NEDD4L: variants seen among roughly 807,000 people sequenced by gnomAD.
The protein encoded by NEDD4L is E3 ubiquitin-protein ligase NEDD4-like.
Under a neutral mutation model 148.9 loss-of-function variants are expected in NEDD4L, and 54 were observed. That is an observed-to-expected ratio of 0.36 (90% confidence interval 0.29 to 0.45). The LOEUF is 0.45. NEDD4L is among the 20% of genes least tolerant of loss of function. NEDD4L has a pLI of 1.00. For synonymous variants in NEDD4L, 433 were observed against 440.7 expected (o/e 0.98, Z 0.22); for missense variants, 856 against 1,233.8 (o/e 0.69, Z 4.59).
chr18:58,320,042 C>T (rs1415538252), intron 6 of NEDD4L, among the ~76,000 whole-genome samples: 2 of 152,194 alleles, frequency 1.3e-5, no homozygotes, highest in Non-Finnish European at 2.9e-5. Context: ...AGGATGCAAA[C>T]CTAGGAGATC....
rs1422546421 is a variant in NEDD4L at position 58,351,315 on chromosome 18, G to T, written c.1708+270G>T. On this transcript the variant is annotated intron_variant, in intron 18 of 30. Coordinates refer to ENST00000400345, the MANE Select transcript of NEDD4L (RefSeq NM_001144967.3). ...TTGTTGAATTTTTAAACCACATTTT[G>T]ATTGTTGATCCCTTGACTTTTGCAC... 1.3e-5 allele frequency: 3 copies of T among 239,178 alleles called. No homozygotes were observed. In the East Asian group the frequency reaches 5.4e-4, roughly 43 times the overall value. The allele number at this position is 239,178 out of a possible 1,614,324, so 14.8% of individuals were successfully genotyped here.
intron 1 of NEDD4L, among the ~76,000 whole-genome samples, chr18:58,143,733 G>A (rs2033802312): frequency 1.3e-5 from 2 of 152,204 alleles, no homozygotes; most frequent in Admixed American, 1.3e-4. Context: ...CCTTCCTGCG[G>A]GTGGTCCCTG....
At chr18:58,248,093 G>T (rs2288772) in intron 3 of NEDD4L, among the ~76,000 whole-genome samples, 5 of 151,950 alleles carry the variant, frequency 3.3e-5, no homozygotes, top group Admixed American at 6.6e-5. Context: ...TGAAGTGATG[G>T]TTTTTTTTTA....
chr18:58,267,876 C>T (rs2050442627), intron 5 of NEDD4L, among the ~76,000 whole-genome samples: 1 of 152,032 alleles, frequency 6.6e-6, no homozygotes, highest in South Asian at 2.1e-4. Flanking sequence ...CTCATTTATC[C>T]TGCAAGCTTC....
chr18:58,171,376 C>T lies in NEDD4L; in HGVS notation c.122+5515C>T, dbSNP rs554716566. ...CTGCTGCCCGCCTCATCACCCCAGCCCAAGGGGACAGGACACTGCTGCCCG... is the reference window on the plus strand; with the variant it reads ...CTGCTGCCCGCCTCATCACCCCAGCTCAAGGGGACAGGACACTGCTGCCCG... On this transcript the variant is annotated intron_variant, in intron 2 of 30. Transcript: ENST00000400345. Among the ~76,000 whole-genome samples, 90 of 75,582 alleles carry T rather than the reference C, an allele frequency of 1.2e-3. 6 individuals are homozygous for T. The highest frequency in any genetic ancestry group is 3.4e-3 in the South Asian group (7 of 2,040). 49.6% of individuals were successfully genotyped at this position (75,582 alleles called of 152,430 possible).
At chr18:58,110,208 G>T (rs1054001302) in intron 1 of NEDD4L, among the ~76,000 whole-genome samples, 8 of 152,200 alleles carry the variant, frequency 5.3e-5, no homozygotes, top group African/African-American at 1.9e-4. Flanking sequence ...GAGGGCATGG[G>T]CAGGTTGAGT....
At chr18:58,280,051 T>A (rs1009674223) in intron 5 of NEDD4L, among the ~76,000 whole-genome samples, 2 of 152,124 alleles carry the variant, frequency 1.3e-5, no homozygotes, top group Non-Finnish European at 1.5e-5. Flanking sequence ...AGGTGCTGTG[T>A]GTATTTTTTT....
chr18:58,325,213 G>T (rs2059206542), intron 9 of NEDD4L, 51 bp downstream of exon 9: 3 of 1,594,666 alleles, frequency 1.9e-6, no homozygotes, highest in East Asian at 2.2e-5. Flanking sequence ...TGCACAGCTA[G>T]GGACAAATAT....
At chr18:58,292,825 C>T (rs2054962560) in intron 5 of NEDD4L, among the ~76,000 whole-genome samples, 1 of 152,146 alleles carries the variant, frequency 6.6e-6, no homozygotes, top group African/African-American at 2.4e-5. Flanking sequence ...TCTGTGGATG[C>T]TTGGATTACA....
At chr18:58,090,054 G>C (rs1451778674) in intron 1 of NEDD4L, among the ~76,000 whole-genome samples, 1 of 152,070 alleles carries the variant, frequency 6.6e-6, no homozygotes, top group Non-Finnish European at 1.5e-5. Context: ...TGGTCAGGCT[G>C]GTCTCGAACT....
At chr18:58,377,380 G>A (rs910595346) in intron 24 of NEDD4L, among the ~76,000 whole-genome samples, 5 of 152,104 alleles carry the variant, frequency 3.3e-5, no homozygotes, top group African/African-American at 1.2e-4. Context: ...AGCCTTCCAC[G>A]GTGTTTCAAC....
chr18:58,367,982 A>G, intron 22 of NEDD4L, 115 bp downstream of exon 22: 2 of 1,158,804 alleles, frequency 1.7e-6, no homozygotes, highest in Non-Finnish European at 2.4e-6. Flanking sequence ...CTCATAAAGT[A>G]TTTTTATGTT....
rs2044815944 is a variant in NEDD4L at position 58,357,349 on chromosome 18, A to G, written c.1767+97A>G. 7.5e-6 allele frequency: 8 copies of G among 1,069,836 alleles called. No homozygotes were observed. The South Asian group carries it at 7.5e-5, about 10-fold the overall frequency. The allele number at this position is 1,069,836 out of a possible 1,614,324, so 66.3% of individuals were successfully genotyped here. The stretch of plus-strand genomic sequence containing the variant: ...CTGATAACGGTGATGTCAAGGGACA[A>G]CGGTGATTGAGTAGTTGACTAGAAA... On this transcript the variant is annotated intron_variant, in intron 19 of 30. Transcript: ENST00000400345.
At chr18:58,317,515 A>G (rs934937126) in intron 6 of NEDD4L, among the ~76,000 whole-genome samples, 1 of 152,224 alleles carries the variant, frequency 6.6e-6, no homozygotes, top group Non-Finnish European at 1.5e-5. Context: ...TGAGAGGCAA[A>G]TATTCTAATA....
intron 5 of NEDD4L, among the ~76,000 whole-genome samples, chr18:58,286,209 A>C (rs8092552): frequency 0.18 from 26,684 of 152,162 alleles, 2,519 homozygotes; most frequent in East Asian, 0.29. Context: ...TCGAATGAGC[A>C]CTGCAAACAT....
chr18:58,349,407 G>A (rs2043579512), intron 16 of NEDD4L, 130 bp from the exon 17 acceptor site: 1 of 686,334 alleles, frequency 1.5e-6, no homozygotes, highest in East Asian at 2.7e-5. Flanking sequence ...ACAGAGATGG[G>A]ACCCATCTCA....
chr18:58,379,557 G>A (rs2048052749), intron 24 of NEDD4L, among the ~76,000 whole-genome samples: 1 of 152,180 alleles, frequency 6.6e-6, no homozygotes, highest in Non-Finnish European at 1.5e-5. Flanking sequence ...TGTGTGCCTG[G>A]AGGCGAGCAT....
intron 1 of NEDD4L, among the ~76,000 whole-genome samples, chr18:58,124,597 C>T (rs2030681620): frequency 6.6e-6 from 1 of 152,188 alleles, no homozygotes; most frequent in African/African-American, 2.4e-5. Context: ...GTCTGGCATT[C>T]CCACTTGAGG....
Position 58,309,180 on chromosome 18 carries a change from T to TC in NEDD4L, c.298-6795dup, listed in dbSNP as rs936509536. On this transcript the variant is annotated intron_variant, in intron 5 of 30. Transcript: ENST00000400345. ...CCCTGAGGCCTGGCCTCAGTTTCCC[T>TC]CCCCCCCACTGCCCCACGGGGCCAC... Among the ~76,000 whole-genome samples the TC allele has an allele frequency of 7.9e-5, 12 of 151,796 alleles. No individual in the cohort carries two copies. In the South Asian group the frequency reaches 1.7e-3, roughly 21 times the overall value.
Sources: allele counts gnomAD v4.1 joint callset (sites outside exome capture counted in the v4.1 genomes callset), GRCh38; gene constraint gnomAD v4.1.1; transcripts MANE v1.5; gene names NCBI Gene and HGNC (gene_info 2026-07-23, HGNC 2026-07-21).